The following MTMR2 variants were observed in gnomAD, a reference collection of about 807,000 sequenced individuals.
MTMR2 encodes myotubularin related protein 2.
In MTMR2, 55 loss-of-function variants were observed where a neutral mutation model predicts 86.9. The observed-to-expected ratio is 0.63, with a 90% CI of 0.51 to 0.79. The LOEUF (loss-of-function observed/expected upper bound fraction) is 0.79. Ranked by LOEUF, MTMR2 falls within the 30% of genes least tolerant of loss-of-function variation. MTMR2 has a pLI of 0.00. For synonymous variants in MTMR2, 241 were observed against 266.8 expected (o/e 0.90, Z 0.94); for missense variants, 659 against 772.3 (o/e 0.85, Z 1.74).
chr11:95,862,305 C>G lies in MTMR2; in HGVS notation c.324G>C (p.Thr108=). 1 of 1,613,966 alleles carries G rather than the reference C, an allele frequency of 6.2e-7. No individual in the cohort carries two copies. Among genetic ancestry groups the G allele is most frequent in the Non-Finnish European group, 8.5e-7 (1 of 1,179,956 alleles). ...TGAVRGTLTV[T]NYRLYFKSME... is the part of the protein sequence containing the mutation. ...TGCTTTTGAAATATAACCTATAATT[C>G]GTGACAGTCAGAGTTCCTCGTACAG... The change falls in exon 4 of 15, where the codon ACG becomes ACC. Residue 108 remains threonine (T), a synonymous_variant. Coordinates refer to ENST00000346299, the MANE Select transcript of MTMR2 (RefSeq NM_016156.6).
chr11:95,854,792 C>T (rs1328424522), intron 7 of MTMR2, among the ~76,000 whole-genome samples: 1 of 150,936 alleles, frequency 6.6e-6, no homozygotes, highest in Non-Finnish European at 1.5e-5. Context: ...CAGATTTTTA[C>T]CCATGACTTG....
At chr11:95,877,783 G>A (rs983926648) in intron 2 of MTMR2, among the ~76,000 whole-genome samples, 2 of 152,004 alleles carry the variant, frequency 1.3e-5, no homozygotes, top group Admixed American at 6.6e-5. Context: ...TAACCCTCAT[G>A]AGCAGCTAGG....
intron 12 of MTMR2, among the ~76,000 whole-genome samples, chr11:95,838,432 A>G (rs1335805595): frequency 1.3e-5 from 2 of 151,960 alleles, no homozygotes; most frequent in Non-Finnish European, 2.9e-5. Context: ...GCTAACCCTA[A>G]ATTTGCAGGC....
rs11021336 is a variant in MTMR2 at position 95,858,708 on chromosome 11, A to G, written c.469-76T>C. 97,665 of 962,500 alleles carry G rather than the reference A, an allele frequency of 0.1. 7,060 individuals carry two copies. The highest frequency in any genetic ancestry group is 0.27 in the African/African-American group (16,745 of 62,176). The allele number at this position is 962,500 out of a possible 1,614,324, so 59.6% of individuals were successfully genotyped here. On this transcript the variant is annotated intron_variant, in intron 5 of 14. Transcript: ENST00000346299. ...TGAATAAATAAGGTTACTTGGAACT[A>G]TCTTGTAAAATGTTAAGATCTGTGA...
At chr11:95,905,366 C>T (rs1037812633) in intron 1 of MTMR2, among the ~76,000 whole-genome samples, 11 of 148,200 alleles carry the variant, frequency 7.4e-5, no homozygotes, top group Non-Finnish European at 1.5e-4. Flanking sequence ...CACACACACA[C>T]ACAACACAAC....
At chr11:95,890,341 CAG>C (rs1338650423) in intron 1 of MTMR2, among the ~76,000 whole-genome samples, 1 of 152,124 alleles carries the variant, frequency 6.6e-6, no homozygotes, top group Admixed American at 6.5e-5. Flanking sequence ...AGTACTTTGA[CAG>C]ACATTGTTAG....
intron 1 of MTMR2, among the ~76,000 whole-genome samples, chr11:95,894,670 T>C (rs1387870882): frequency 6.6e-6 from 1 of 152,172 alleles, no homozygotes; most frequent in East Asian, 1.9e-4. Context: ...AGTGAAACTA[T>C]CATAGAAGAT....
At chr11:95,881,910 A>G (rs1281515080) in intron 2 of MTMR2, among the ~76,000 whole-genome samples, 1 of 152,210 alleles carries the variant, frequency 6.6e-6, no homozygotes, top group Non-Finnish European at 1.5e-5. Context: ...ACGTATTTCT[A>G]GTATTTCATC....
intron 6 of MTMR2, 77 bp from the exon 7 acceptor site, chr11:95,857,712 C>G: frequency 1.1e-6 from 1 of 902,160 alleles, no homozygotes; most frequent in East Asian, 2.5e-5. Flanking sequence ...ATCCATATAT[C>G]CAAAGTTTTC....
intron 1 of MTMR2, among the ~76,000 whole-genome samples, chr11:95,897,907 T>G (rs1410068536): frequency 6.6e-6 from 1 of 152,126 alleles, no homozygotes; most frequent in Non-Finnish European, 1.5e-5. Context: ...ATTCACAAAC[T>G]TACTCTAACT....
chr11:95,859,616 C>A (rs1328937699), intron 5 of MTMR2, among the ~76,000 whole-genome samples: 1 of 152,158 alleles, frequency 6.6e-6, no homozygotes. Flanking sequence ...TGAATTGTTA[C>A]AAGTTCAAGG....
rs907956032 is a variant in MTMR2, at chr11:95,919,616, G to A, written c.80+4259C>T. Among the ~76,000 whole-genome samples, 9 of 152,276 alleles carry A rather than the reference G, an allele frequency of 5.9e-5. No individual in the cohort carries two copies. The South Asian group carries it at 1.9e-3, about 32-fold the overall frequency. ...GTAGCAGATGGATAAATAGGTAGTT[G>A]AAGAGGACATAATAACCTCATTGTG... On this transcript the variant is annotated intron_variant, in intron 1 of 14. Transcript: ENST00000346299.
intron 12 of MTMR2, among the ~76,000 whole-genome samples, chr11:95,840,823 A>G (rs1863512890): frequency 6.6e-6 from 1 of 152,202 alleles, no homozygotes; most frequent in Admixed American, 6.5e-5. Context: ...CACTTGCCCT[A>G]CTTTAAATTC....
chr11:95,872,554 T>C (rs1253685345), intron 2 of MTMR2, among the ~76,000 whole-genome samples: 4 of 152,234 alleles, frequency 2.6e-5, no homozygotes, highest in Admixed American at 2.6e-4. Flanking sequence ...TCATGTCATC[T>C]GCAAACAGGG....
chr11:95,843,997 T>A (rs1863663451), intron 11 of MTMR2, among the ~76,000 whole-genome samples: 2 of 152,154 alleles, frequency 1.3e-5, no homozygotes, highest in African/African-American at 4.8e-5. Context: ...TGTGAGCAAA[T>A]CCTCTTGACT....
chr11:95,912,087 GT>G (rs67486618), intron 1 of MTMR2, among the ~76,000 whole-genome samples: 65,233 of 141,328 alleles, frequency 0.46, 14,812 homozygotes, highest in East Asian at 0.6. Context: ...ACACAGGTGG[GT>G]TTTTTTTTTT....
intron 9 of MTMR2, among the ~76,000 whole-genome samples, chr11:95,848,345 A>G (rs183646242): frequency 8.5e-4 from 129 of 152,214 alleles, no homozygotes; most frequent in Non-Finnish European, 7.1e-4. Context: ...CCTCATTTTA[A>G]TCTTCATATC....
intron 2 of MTMR2, among the ~76,000 whole-genome samples, chr11:95,870,940 T>A (rs1160498811): frequency 1.3e-5 from 2 of 151,012 alleles, no homozygotes; most frequent in Non-Finnish European, 3.0e-5. Flanking sequence ...CCTGTGTCCA[T>A]GTGTTCTCAT....
Position 95,845,032 on chromosome 11 carries a change from T to C in MTMR2, c.1307A>G (p.Asp436Gly). The C allele has an allele frequency of 1.2e-6, 2 of 1,613,978 alleles. No homozygotes were observed. Among genetic ancestry groups the C allele is most frequent in the Non-Finnish European group, 1.7e-6 (2 of 1,179,900 alleles). The change falls in exon 11 of 15, where the codon GAT becomes GGT. Residue 436 changes from aspartate to glycine, a missense_variant. By Grantham distance (94) the Asp-to-Gly change is moderately conservative. Around this residue, in one of 3 missense-constraint regions of MTMR2, gnomAD observed 387 missense variants for 526.3 expected, o/e 0.74. Coordinates refer to ENST00000346299, the MANE Select transcript of MTMR2 (RefSeq NM_016156.6). Reference protein sequence around the residue: ...QLTSLAMLMLDGYYRTIRGFE... With the variant: ...QLTSLAMLMLGGYYRTIRGFE... ...TCCTCGGATGGTTCGATAGTATCCA[T>C]CCAACATGAGCATGGCAAGGGAAGT...
Sources: allele counts gnomAD v4.1 joint callset (sites outside exome capture counted in the v4.1 genomes callset), GRCh38; gene constraint gnomAD v4.1.1; regional missense constraint gnomAD v4.1.1; transcripts MANE v1.5; gene names NCBI Gene and HGNC (gene_info 2026-07-23, HGNC 2026-07-21).